The following NUP35 variants were observed in gnomAD, a reference collection of about 807,000 sequenced individuals.
The protein encoded by NUP35 is nucleoporin NUP35.
NUP35 carries 25 observed loss-of-function variants against 41.5 expected under a neutral mutation model. The observed-to-expected ratio is 0.60, with a 90% CI of 0.44 to 0.84. NUP35 has a LOEUF of 0.84. Among genes scored for constraint, NUP35 ranks in the 40% least tolerant of loss-of-function variants. The pLI is 0.00. For missense variants in NUP35, 396 were observed against 396.6 expected (o/e 1.00, Z 0.01); for synonymous variants, 149 against 130.7 (o/e 1.14, Z -0.96).
At chr2:183,133,679 AC>A in intron 4 of NUP35, 56 bp downstream of exon 4, 1 of 1,311,412 alleles carries the variant, frequency 7.6e-7, no homozygotes. Context: ...TGGCTCTGCT[AC>A]CCACGCTGGA....
At chr2:183,155,548 A>G (rs1042867973) in intron 5 of NUP35, among the ~76,000 whole-genome samples, 2 of 143,372 alleles carry the variant, frequency 1.4e-5, no homozygotes, top group African/African-American at 5.1e-5. Flanking sequence ...CTTCTTTTAC[A>G]TTTACATTTT....
intron 7 of NUP35, 146 bp from the exon 8 acceptor site, chr2:183,159,342 C>A: frequency 1.5e-6 from 1 of 655,436 alleles, no homozygotes; most frequent in Non-Finnish European, 2.4e-6. Context: ...CAAATATTTT[C>A]TCAAGCCTAA....
At chr2:183,139,891 T>G (rs1183012600) in intron 4 of NUP35, among the ~76,000 whole-genome samples, 1 of 152,212 alleles carries the variant, frequency 6.6e-6, no homozygotes, top group Non-Finnish European at 1.5e-5. Flanking sequence ...CAGTTTGTGG[T>G]AATTTGTTAC....
In NUP35 at chr2:183,159,524, T is replaced by C. The variant is rs1449280061; in HGVS notation, c.775T>C (p.Ser259Pro). 1 of 1,613,650 alleles carries C rather than the reference T, an allele frequency of 6.2e-7. No individual in the cohort carries two copies. Among genetic ancestry groups the C allele is most frequent in the East Asian group, 2.2e-5 (1 of 44,824 alleles). Residue 259 changes from serine (S) to proline (P), a missense_variant, in exon 8 of 9, where the codon TCT becomes CCT. Physicochemically the swap from Ser to Pro is moderately conservative, Grantham distance 74. Transcript: ENST00000295119. ...AAGCAGTGACAGATGTGCTTTATCATCTCCATCTTTAGCCTTTACACCACC... is the reference window on the plus strand; with the variant it reads ...AAGCAGTGACAGATGTGCTTTATCACCTCCATCTTTAGCCTTTACACCACC... ...MESSDRCALSSPSLAFTPPIK... is the reference protein window; with the variant it reads ...MESSDRCALSPPSLAFTPPIK...
At chr2:183,132,585 T>TA (rs541836781) in intron 3 of NUP35, among the ~76,000 whole-genome samples, 223 of 152,084 alleles carry the variant, frequency 1.5e-3, no homozygotes, top group African/African-American at 5.2e-3. Flanking sequence ...ACTAAAAAAT[T>TA]AAAAAATTGT....
intron 4 of NUP35, among the ~76,000 whole-genome samples, chr2:183,144,282 A>G (rs942360192): frequency 9.2e-5 from 14 of 152,202 alleles, no homozygotes; most frequent in South Asian, 2.1e-4. Context: ...TGGAGCATCT[A>G]TGTCCACAGT....
upstream of NUP35, chr2:183,124,372 A>T: frequency 6.2e-7 from 1 of 1,612,468 alleles, no homozygotes; most frequent in Admixed American, 1.7e-5. Flanking sequence ...CCCATAAGGT[A>T]GCACGCCGTT....
At chr2:183,126,169 G>T (rs1329522316) in intron 1 of NUP35, among the ~76,000 whole-genome samples, 1 of 152,096 alleles carries the variant, frequency 6.6e-6, no homozygotes, top group African/African-American at 2.4e-5. Context: ...CCAGGGGCTG[G>T]GACCACAGTG....
At chr2:183,159,846 T>TA (rs939406170) in intron 8 of NUP35, 194 bp downstream of exon 8, 722 of 420,772 alleles carry the variant, frequency 1.7e-3, no homozygotes, top group Middle Eastern at 2.4e-3. Flanking sequence ...TATCATGAAT[T>TA]AAAAAAAAAA....
In NUP35 at chr2:183,142,606, A is replaced by G. The variant is rs138620219; in HGVS notation, c.398-8902A>G. Among the ~76,000 whole-genome samples, 358 of 151,510 alleles carry G rather than the reference A, an allele frequency of 2.4e-3. 3 individuals carry two copies. The highest frequency in any genetic ancestry group is 8.3e-3 in the African/African-American group (342 of 41,218). ...AGTGATTCTTCTGCCTCAGCCTCCCAAGTAGCTGGGACTACAGATGTGCAC... is the reference window on the plus strand; with the variant it reads ...AGTGATTCTTCTGCCTCAGCCTCCCGAGTAGCTGGGACTACAGATGTGCAC... On this transcript the variant is annotated intron_variant, in intron 4 of 8. Coordinates refer to ENST00000295119, the MANE Select transcript of NUP35 (RefSeq NM_138285.5).
At chr2:183,127,033 G>C (rs1687532336) in intron 1 of NUP35, among the ~76,000 whole-genome samples, 1 of 151,926 alleles carries the variant, frequency 6.6e-6, no homozygotes, top group Non-Finnish European at 1.5e-5. Context: ...AGCTCTGTTA[G>C]TGGATGCTAG....
At chr2:183,157,083 C>T (rs1685690634) in intron 5 of NUP35, among the ~76,000 whole-genome samples, 1 of 151,954 alleles carries the variant, frequency 6.6e-6, no homozygotes. Context: ...CCGTAGTATA[C>T]CTAAATATAT....
At position 183,135,541 on chromosome 2, in the gene NUP35, C is replaced by A. The variant is rs1350986311; in HGVS notation, c.397+1918C>A. ...ATAAGGATGAGACTGTTGCTGGGTT[C>A]AACTAGTTTGGGAGTAAAAGTTAGC... On this transcript the variant is annotated intron_variant, in intron 4 of 8. Coordinates refer to ENST00000295119, the MANE Select transcript of NUP35 (RefSeq NM_138285.5). Among the ~76,000 whole-genome samples, 4 of 152,100 alleles carry A rather than the reference C, an allele frequency of 2.6e-5. No individual in the cohort carries two copies. The East Asian group carries it at 5.8e-4, about 22-fold the overall frequency.
At chr2:183,121,492 G>A (rs1298000194), upstream of NUP35, among the ~76,000 whole-genome samples, 1 of 151,960 alleles carries the variant, frequency 6.6e-6, no homozygotes, top group Non-Finnish European at 1.5e-5. Flanking sequence ...TGCAGGTAAA[G>A]AAAAGAAAAT....
intron 4 of NUP35, among the ~76,000 whole-genome samples, chr2:183,140,049 AT>A (rs1190433454): frequency 6.6e-6 from 1 of 152,200 alleles, no homozygotes; most frequent in Non-Finnish European, 1.5e-5. Flanking sequence ...AATAAAAACT[AT>A]CCTTATTCTA....
intron 1 of NUP35, among the ~76,000 whole-genome samples, chr2:183,127,652 A>G (rs1421611606): frequency 1.3e-5 from 2 of 152,218 alleles, no homozygotes; most frequent in Admixed American, 6.5e-5. Context: ...CTTTGTATGT[A>G]TAAGTAGTGC....
intron 4 of NUP35, among the ~76,000 whole-genome samples, chr2:183,141,891 C>T (rs1685109142): frequency 6.6e-6 from 1 of 152,150 alleles, no homozygotes; most frequent in Admixed American, 6.6e-5. Context: ...AAGCATGCCT[C>T]CCTCTTTATG....
chr2:183,126,445 C>A (rs532510385), intron 1 of NUP35, among the ~76,000 whole-genome samples: 2 of 152,090 alleles, frequency 1.3e-5, no homozygotes, highest in Admixed American at 1.3e-4. Context: ...AAAAACTTTG[C>A]GTTTAATATG....
At chr2:183,124,788 C>G (rs1377602893) in intron 1 of NUP35, among the ~76,000 whole-genome samples, 1 of 152,184 alleles carries the variant, frequency 6.6e-6, no homozygotes, top group African/African-American at 2.4e-5. Context: ...TAGACTGGCC[C>G]ATACCTTAAC....
Sources: allele counts gnomAD v4.1 joint callset (sites outside exome capture counted in the v4.1 genomes callset), GRCh38; gene constraint gnomAD v4.1.1; transcripts MANE v1.5; gene names NCBI Gene and HGNC (gene_info 2026-07-23, HGNC 2026-07-21).